RAB37: variants seen among roughly 807,000 people sequenced by gnomAD.
The protein encoded by RAB37 is RAB37, member RAS oncogene family, also known as ras-related protein Rab-37.
Under a neutral mutation model 33.1 loss-of-function variants are expected in RAB37, and 29 were observed. The observed-to-expected ratio is 0.88, with a 90% CI of 0.65 to 1.20. The LOEUF (loss-of-function observed/expected upper bound fraction) is 1.20. Ranked by LOEUF, RAB37 falls within the 50% of genes most tolerant of loss-of-function variation. The probability of loss-of-function intolerance (pLI) is 0.00; values close to 1 mark genes in which losing one functional copy is unlikely to be tolerated. For missense variants in RAB37, 299 were observed against 301.1 expected, an observed-to-expected ratio of 0.99 and a Z score of 0.05; for synonymous variants, 128 against 119.5, an observed-to-expected ratio of 1.07 and a Z score of -0.47.
rs555072149 is a variant in RAB37 at position 74,684,038 on chromosome 17, A to C, written c.72+12380A>C. Among the ~76,000 whole-genome samples, 3 of 152,162 alleles carry C rather than the reference A, an allele frequency of 2.0e-5. No individual in the cohort carries two copies. In the South Asian group the frequency reaches 6.2e-4, roughly 32 times the overall value. On this transcript the variant is annotated intron_variant, in intron 1 of 7. Transcript: ENST00000340415. ...TGTGATCTGAGCATTGTGCTGAAAA[A>C]ACAATAAGTTCATATTGGTGGCTAT...
rs115255757 is a variant in RAB37, at chr17:74,715,388, A to T, written c.73-13868A>T. On this transcript the variant is annotated intron_variant, in intron 1 of 7. Transcript: ENST00000340415. ...GGCTTCTCGCTTTACATATCTGCAGACCATAAAGTAGGTCAAGAATCCGGG... is the reference window on the plus strand; with the variant it reads ...GGCTTCTCGCTTTACATATCTGCAGTCCATAAAGTAGGTCAAGAATCCGGG... 3.1e-3 allele frequency among the ~76,000 whole-genome samples: 475 copies of T among 152,284 alleles called. 4 individuals carry two copies. The highest frequency in any genetic ancestry group is 0.011 in the African/African-American group (452 of 41,556).
intron 1 of RAB37, among the ~76,000 whole-genome samples, chr17:74,675,775 G>A (rs1017407698): frequency 7.9e-5 from 12 of 152,200 alleles, no homozygotes. Flanking sequence ...TAGGCATTGT[G>A]TAGCTCTTGC....
chr17:74,689,662 T>C (rs1321432756), intron 1 of RAB37, among the ~76,000 whole-genome samples: 1 of 152,190 alleles, frequency 6.6e-6, no homozygotes, highest in Non-Finnish European at 1.5e-5. Flanking sequence ...GGCTGATCAC[T>C]GTATCTGTCC....
chr17:74,715,470 G>C (rs1227292328), intron 1 of RAB37, among the ~76,000 whole-genome samples: 2 of 152,216 alleles, frequency 1.3e-5, no homozygotes, highest in African/African-American at 2.4e-5. Context: ...CCTCTGCCCA[G>C]GGCACCATGC....
chr17:74,703,641 G>A (rs1407329385), intron 1 of RAB37, among the ~76,000 whole-genome samples: 2 of 152,150 alleles, frequency 1.3e-5, no homozygotes, highest in Non-Finnish European at 2.9e-5. Flanking sequence ...CTTCTCAGGG[G>A]TATTGTGAGG....
Position 74,746,147 on chromosome 17 carries a change from C to G in RAB37, c.*736C>G, listed in dbSNP as rs927138627. On this transcript the variant is annotated 3_prime_UTR_variant, in exon 9 of 9. Transcript: ENST00000392613. The surrounding 1 kb of genome is among the most constrained non-coding windows in gnomAD (Gnocchi z 5.2). ...GACTTCAGATCCTGGGGGAGCCCCT[C>G]CCCCCCCTGAATCCCTGGCTTAGCT... 6.7e-6 allele frequency: 1 copy of G among 150,298 alleles called. No individual in the cohort carries two copies. The highest frequency in any genetic ancestry group is 2.5e-5 in the African/African-American group (1 of 39,998). 9.3% of individuals were successfully genotyped at this position (150,298 alleles called of 1,614,324 possible). A position where few individuals can be genotyped will look rare whatever the true frequency, so the allele number is the denominator to read the frequency against.
chr17:74,683,514 C>T (rs189259943), intron 1 of RAB37, among the ~76,000 whole-genome samples: 12 of 152,322 alleles, frequency 7.9e-5, no homozygotes, highest in Non-Finnish European at 1.2e-4. Context: ...TATGAGTATG[C>T]CACCTACAAA....
chr17:74,717,272 A>G (rs1357269554), intron 1 of RAB37, among the ~76,000 whole-genome samples: 1 of 152,230 alleles, frequency 6.6e-6, no homozygotes, highest in Admixed American at 6.5e-5. Context: ...CCTCTTCTGC[A>G]GTGTATGGAA....
Position 74,671,439 on chromosome 17 carries a change from G to A in RAB37, c.-148G>A. The A allele has an allele frequency of 1.5e-6, 1 of 680,230 alleles. No homozygotes were observed. Among genetic ancestry groups the A allele is most frequent in the Non-Finnish European group, 2.5e-6 (1 of 404,840 alleles). The allele number at this position is 680,230 out of a possible 1,614,324, so 42.1% of individuals were successfully genotyped here. A position where few individuals can be genotyped will look rare whatever the true frequency, so the allele number is the denominator to read the frequency against. On this transcript the variant is annotated 5_prime_UTR_variant, in exon 1 of 8. Transcript: ENST00000340415. This position sits in a 1 kb window ranked among gnomAD's most constrained non-coding sequence, Gnocchi z 5.0. Reference sequence around the variant, plus strand: ...CCTGGTACCGCGCCGCGGCCGCTGCGGGGAACTGTCCAGTGCTGAAAACGG... The same window carrying A: ...CCTGGTACCGCGCCGCGGCCGCTGCAGGGAACTGTCCAGTGCTGAAAACGG...
At chr17:74,711,743 C>A (rs1051270010) in intron 1 of RAB37, among the ~76,000 whole-genome samples, 3 of 152,168 alleles carry the variant, frequency 2.0e-5, no homozygotes, top group African/African-American at 7.2e-5. Flanking sequence ...ATCTGGGACC[C>A]TCTTCAGGGG....
intron 1 of RAB37, among the ~76,000 whole-genome samples, chr17:74,672,078 G>A (rs149401969): frequency 6.6e-6 from 1 of 152,202 alleles, no homozygotes; most frequent in Non-Finnish European, 1.5e-5. Context: ...GTCTGCAGCA[G>A]AGATGAACTG....
upstream of RAB37, among the ~76,000 whole-genome samples, chr17:74,736,143 G>A (rs2034471285): frequency 6.6e-6 from 1 of 151,998 alleles, no homozygotes; most frequent in Non-Finnish European, 1.5e-5. Context: ...AACCCGGGAA[G>A]CAAAGGTTGC....
intron 1 of RAB37, chr17:74,695,217 G>C (rs1182112513): frequency 6.2e-7 from 1 of 1,614,060 alleles, no homozygotes; most frequent in Admixed American, 1.7e-5. Context: ...CAAGGTCAGA[G>C]ATGCATAGGA....
chr17:74,739,280 G>A (rs951021333), intron 1 of RAB37, among the ~76,000 whole-genome samples: 1 of 152,202 alleles, frequency 6.6e-6, no homozygotes, highest in Non-Finnish European at 1.5e-5. Flanking sequence ...GGGACAAAGT[G>A]CTCCTCTCCA....
At chr17:74,698,274 T>G in intron 1 of RAB37, 1 of 892,068 alleles carries the variant, frequency 1.1e-6, no homozygotes, top group Non-Finnish European at 1.8e-6. Flanking sequence ...CATTTCCTGA[T>G]TGTGTGGGTA....
At position 74,744,502 on chromosome 17, in the gene RAB37, T is replaced by G; in HGVS notation, c.432+129T>G. On this transcript the variant is annotated intron_variant, in intron 6 of 8. Coordinates refer to ENST00000392613, the MANE Select transcript of RAB37 (RefSeq NM_001006638.3). The surrounding 1 kb of genome is among the most constrained non-coding windows in gnomAD (Gnocchi z 4.2). Reference sequence around the variant, plus strand: ...GACTCTGCAGCCTCCAGCTCAGGGGTCAGACATATCTGGAGGCTTCTGCCC... The same window carrying G: ...GACTCTGCAGCCTCCAGCTCAGGGGGCAGACATATCTGGAGGCTTCTGCCC... The G allele has an allele frequency of 1.2e-6, 1 of 857,086 alleles. No individual in the cohort carries two copies. The highest frequency in any genetic ancestry group is 2.1e-5 in the Admixed American group (1 of 47,176). The allele number at this position is 857,086 out of a possible 1,614,324, so 53.1% of individuals were successfully genotyped here.
At chr17:74,732,226 T>C (rs1332542969) in intron 2 of RAB37, among the ~76,000 whole-genome samples, 1 of 152,226 alleles carries the variant, frequency 6.6e-6, no homozygotes, top group African/African-American at 2.4e-5. Flanking sequence ...AGCTCCCTCA[T>C]ACACATGCTG....
intron 1 of RAB37, chr17:74,703,227 C>A: frequency 8.7e-7 from 1 of 1,144,992 alleles, no homozygotes. Context: ...CAGCTCTGAG[C>A]CTGGGCGGGG....
intron 1 of RAB37, chr17:74,673,129 G>C (rs1769115658): frequency 6.6e-6 from 1 of 152,244 alleles, no homozygotes; most frequent in African/African-American, 2.4e-5. Context: ...GCAAGGCCAG[G>C]CATGGTGGCT....
Sources: allele counts gnomAD v4.1 joint callset (sites outside exome capture counted in the v4.1 genomes callset), GRCh38; gene constraint gnomAD v4.1.1; non-coding constraint Gnocchi (gnomAD v3.1); transcripts MANE v1.5; gene names NCBI Gene and HGNC (gene_info 2026-07-23, HGNC 2026-07-21).